CDK19: variants seen among roughly 807,000 people sequenced by gnomAD.
CDK19 encodes cyclin dependent kinase 19.
Under a neutral mutation model 68.3 loss-of-function variants are expected in CDK19, and 20 were observed. The observed-to-expected ratio is 0.29, with a 90% confidence interval of 0.21 to 0.43. The LOEUF is 0.43. CDK19 is among the 20% of genes least tolerant of loss of function. CDK19 has a pLI of 1.00. For synonymous variants in CDK19, 221 were observed against 222.8 expected, an observed-to-expected ratio of 0.99 and a Z score of 0.07; for missense variants, 339 against 623.5, an observed-to-expected ratio of 0.54 and a Z score of 4.86.
At chr6:110,738,625 T>G (rs145345469) in intron 2 of CDK19, among the ~76,000 whole-genome samples, 2,283 of 152,242 alleles carry the variant, frequency 0.015, 48 homozygotes, top group Admixed American at 0.056. Flanking sequence ...TACATATAAT[T>G]TAATAAAATA....
At chr6:110,798,880 C>T (rs556150933) in intron 1 of CDK19, among the ~76,000 whole-genome samples, 55 of 151,958 alleles carry the variant, frequency 3.6e-4, no homozygotes, top group African/African-American at 1.3e-3. Context: ...CGGTGGCTCA[C>T]GCCTGTAATC....
At chr6:110,808,275 T>C (rs77777951) in intron 1 of CDK19, among the ~76,000 whole-genome samples, 3,515 of 152,310 alleles carry the variant, frequency 0.023, 124 homozygotes, top group African/African-American at 0.081. Context: ...GGCTAGCATA[T>C]TGGACAGCAC....
At chr6:110,675,508 TC>T (rs1171129759) in intron 2 of CDK19, among the ~76,000 whole-genome samples, 2 of 150,690 alleles carry the variant, frequency 1.3e-5, no homozygotes, top group Non-Finnish European at 2.9e-5. Context: ...ATGCCTGTAA[TC>T]CCAGCTACTC....
chr6:110,641,087 T>C (rs182699777), intron 4 of CDK19, among the ~76,000 whole-genome samples: 24 of 152,166 alleles, frequency 1.6e-4, no homozygotes, highest in East Asian at 1.9e-4. Flanking sequence ...TGAAATGAGA[T>C]TGGTTCACCA....
At chr6:110,618,278 T>G (rs1053704884) in intron 12 of CDK19, among the ~76,000 whole-genome samples, 13 of 151,880 alleles carry the variant, frequency 8.6e-5, no homozygotes, top group Non-Finnish European at 1.8e-4. Flanking sequence ...GATTACAGGC[T>G]TGCACCACCA....
At chr6:110,628,108 G>A (rs989686479) in intron 6 of CDK19, among the ~76,000 whole-genome samples, 1 of 152,124 alleles carries the variant, frequency 6.6e-6, no homozygotes, top group Admixed American at 6.6e-5. Flanking sequence ...CTACTGAGGA[G>A]GCAGATGCAG....
chr6:110,735,239 G>A (rs544413644), intron 2 of CDK19, among the ~76,000 whole-genome samples: 8 of 151,234 alleles, frequency 5.3e-5, no homozygotes, highest in African/African-American at 1.5e-4. Flanking sequence ...CAGCCACCAC[G>A]CCCAGCACAC....
chr6:110,798,390 C>T (rs975117609), intron 1 of CDK19, among the ~76,000 whole-genome samples: 2 of 151,958 alleles, frequency 1.3e-5, no homozygotes, highest in Non-Finnish European at 2.9e-5. Context: ...TTTAGGAGGC[C>T]GAGGCAAGTG....
In CDK19 at chr6:110,696,333, A is replaced by G. The variant is rs191104787; in HGVS notation, c.205-25792T>C. On this transcript the variant is annotated intron_variant, in intron 2 of 12. Transcript: ENST00000368911. ...TTAAAACCACCAACAAAATCAGCAT[A>G]GAAGGAACATAGCTTAAGGTAATAA... is the stretch of plus-strand genomic sequence containing the variant. Among the ~76,000 whole-genome samples, 3 of 152,346 alleles carry G rather than the reference A, an allele frequency of 2.0e-5. No individual in the cohort carries two copies. The East Asian group carries it at 5.8e-4, about 29-fold the overall frequency.
rs1778155699 is a variant in CDK19, at chr6:110,613,963, C to T, written c.*572G>A. On this transcript the variant is annotated 3_prime_UTR_variant, in exon 13 of 13. Coordinates refer to ENST00000368911, the MANE Select transcript of CDK19 (RefSeq NM_015076.5). Reference sequence around the variant, plus strand: ...CCCACCGCTTGTCTTTTTATTAGACCTTCCCTGAAACTAGATAAATACGAA... The same window carrying T: ...CCCACCGCTTGTCTTTTTATTAGACTTTCCCTGAAACTAGATAAATACGAA... 1 of 152,530 alleles carries T rather than the reference C, an allele frequency of 6.6e-6. No homozygotes were observed. 9.4% of individuals were successfully genotyped at this position (152,530 alleles called of 1,614,324 possible). A position where few individuals can be genotyped will look rare whatever the true frequency, so the allele number is the denominator to read the frequency against.
At chr6:110,657,003 T>G (rs1190788043) in intron 4 of CDK19, among the ~76,000 whole-genome samples, 1 of 152,218 alleles carries the variant, frequency 6.6e-6, no homozygotes, top group African/African-American at 2.4e-5. Context: ...CTATTTATGT[T>G]TGGAATACCC....
intron 8 of CDK19, among the ~76,000 whole-genome samples, chr6:110,626,420 C>A (rs1562132990): frequency 6.6e-6 from 1 of 152,184 alleles, no homozygotes; most frequent in Non-Finnish European, 1.5e-5. Context: ...TATGTCCCCT[C>A]CAAAATTCAT....
At chr6:110,709,374 G>A (rs895570661) in intron 2 of CDK19, among the ~76,000 whole-genome samples, 1 of 152,088 alleles carries the variant, frequency 6.6e-6, no homozygotes, top group Non-Finnish European at 1.5e-5. Flanking sequence ...AGGGCTGGGG[G>A]AGGGATGGCA....
intron 1 of CDK19, among the ~76,000 whole-genome samples, chr6:110,790,981 C>T (rs923045135): frequency 1.3e-5 from 2 of 152,066 alleles, no homozygotes; most frequent in African/African-American, 4.8e-5. Context: ...ACCAACCTGG[C>T]TAACATGGTG....
intron 2 of CDK19, chr6:110,722,251 T>A (rs1040257399): frequency 3.3e-5 from 5 of 152,092 alleles, no homozygotes; most frequent in Admixed American, 1.3e-4. Flanking sequence ...TATTTTTTTT[T>A]AAATATGGAA....
At chr6:110,631,530 C>CT (rs111561504) in intron 6 of CDK19, among the ~76,000 whole-genome samples, 1 of 152,348 alleles carries the variant, frequency 6.6e-6, no homozygotes, top group African/African-American at 2.4e-5. Flanking sequence ...TACCCAGACT[C>CT]TATTTCCTAC....
chr6:110,797,675 G>A (rs979215255), intron 1 of CDK19, among the ~76,000 whole-genome samples: 1 of 152,176 alleles, frequency 6.6e-6, no homozygotes, highest in Admixed American at 6.5e-5. Context: ...AACAGACTTT[G>A]TATGAACTCT....
chr6:110,626,763 T>C lies in CDK19; in HGVS notation c.860+13A>G, dbSNP rs906703078. The C allele has an allele frequency of 2.7e-6, 4 of 1,480,000 alleles. No homozygotes were observed. The highest frequency in any genetic ancestry group is 1.9e-6 in the Non-Finnish European group (2 of 1,076,996). 91.7% of individuals were successfully genotyped at this position (1,480,000 alleles called of 1,614,324 possible). A position where few individuals can be genotyped will look rare whatever the true frequency, so the allele number is the denominator to read the frequency against. On this transcript the variant is annotated intron_variant, in intron 8 of 12. Coordinates refer to ENST00000368911, the MANE Select transcript of CDK19 (RefSeq NM_015076.5). ...GCAGCACAAAAAGACTAAGACTGTGTGGAATTACTTACGTTGTTCTTCTAA... is the reference window on the plus strand; with the variant it reads ...GCAGCACAAAAAGACTAAGACTGTGCGGAATTACTTACGTTGTTCTTCTAA...
chr6:110,785,852 T>C (rs908056318), intron 1 of CDK19, among the ~76,000 whole-genome samples: 1 of 151,968 alleles, frequency 6.6e-6, no homozygotes. Flanking sequence ...TGCTGGCACA[T>C]GCCTGTAATC....
Sources: allele counts gnomAD v4.1 joint callset (sites outside exome capture counted in the v4.1 genomes callset), GRCh38; gene constraint gnomAD v4.1.1; transcripts MANE v1.5; gene names NCBI Gene and HGNC (gene_info 2026-07-23, HGNC 2026-07-21).